KIFAP3: variants seen among roughly 807,000 people sequenced by gnomAD.
KIFAP3 encodes kinesin associated protein 3.
A neutral mutation model predicts 106.5 loss-of-function variants in KIFAP3; 68 were observed. The observed-to-expected ratio is 0.64, with a 90% CI of 0.53 to 0.78. KIFAP3 has a LOEUF of 0.78. Among genes scored for constraint, KIFAP3 ranks in the 30% least tolerant of loss-of-function variants. The pLI, the probability that KIFAP3 is intolerant of heterozygous loss-of-function variation, is 0.00. For missense variants in KIFAP3, 780 were observed against 941.8 expected (o/e 0.83, Z 2.25); for synonymous variants, 320 against 311.5 (o/e 1.03, Z -0.29).
intron 17 of KIFAP3, among the ~76,000 whole-genome samples, chr1:169,970,506 T>C (rs1665865352): frequency 6.6e-6 from 1 of 152,080 alleles, no homozygotes; most frequent in African/African-American, 2.4e-5. Context: ...TTTTTCTTAG[T>C]ATTATTCTGC....
intron 8 of KIFAP3, among the ~76,000 whole-genome samples, chr1:170,029,504 A>G (rs1012271365): frequency 6.6e-6 from 1 of 152,078 alleles, no homozygotes; most frequent in Non-Finnish European, 1.5e-5. Context: ...CCATCAAAGA[A>G]GTGCTTAATG....
At position 169,932,783 on chromosome 1, in the gene KIFAP3, T is replaced by C. The variant is rs575581211; in HGVS notation, c.2274-11002A>G. ...ACAAATCATTCAGTTTGGGAACATT[T>C]TGGAATAGTTTAGAAACTTTTCACT... On this transcript the variant is annotated intron_variant, in intron 19 of 19. Coordinates refer to ENST00000361580, the MANE Select transcript of KIFAP3 (RefSeq NM_014970.4). 1.3e-4 allele frequency among the ~76,000 whole-genome samples: 20 copies of C among 151,992 alleles called. No individual in the cohort carries two copies. In the South Asian group the frequency reaches 4.1e-3, roughly 32 times the overall value.
At chr1:170,071,952 A>G (rs1232183810) in intron 1 of KIFAP3, among the ~76,000 whole-genome samples, 2 of 152,200 alleles carry the variant, frequency 1.3e-5, no homozygotes, top group African/African-American at 4.8e-5. Context: ...TTCATATAGC[A>G]CTCATAAATA....
intron 16 of KIFAP3, 98 bp from the exon 17 acceptor site, chr1:169,972,696 T>C (rs1665982510): frequency 1.8e-6 from 1 of 563,054 alleles, no homozygotes; most frequent in Non-Finnish European, 3.0e-6. Flanking sequence ...AAATTCTAAA[T>C]GGAAATATAA....
At chr1:169,965,537 G>A (rs677630) in intron 17 of KIFAP3, among the ~76,000 whole-genome samples, 142,485 of 152,058 alleles carry the variant, frequency 0.94, 66,835 homozygotes, top group East Asian at 1. Context: ...CTACATTTCC[G>A]CAAAATGTAT....
chr1:170,053,301 C>G (rs1670668260), intron 2 of KIFAP3, among the ~76,000 whole-genome samples: 1 of 152,036 alleles, frequency 6.6e-6, no homozygotes, highest in Non-Finnish European at 1.5e-5. Flanking sequence ...TGTGAAGGAC[C>G]TCTTCGAGGA....
At chr1:169,922,198 A>G (rs1662865286) in intron 19 of KIFAP3, among the ~76,000 whole-genome samples, 1 of 152,226 alleles carries the variant, frequency 6.6e-6, no homozygotes, top group Non-Finnish European at 1.5e-5. Flanking sequence ...GTCTTTTCAT[A>G]TGAAGATACA....
upstream of KIFAP3, chr1:170,074,737 T>G: frequency 7.4e-7 from 1 of 1,342,556 alleles, no homozygotes; most frequent in Non-Finnish European, 9.6e-7. Context: ...CTGCACCTCT[T>G]GTATGCGCAG....
intron 11 of KIFAP3, among the ~76,000 whole-genome samples, chr1:169,990,492 G>A (rs1030771891): frequency 1.3e-5 from 2 of 152,030 alleles, no homozygotes; most frequent in African/African-American, 4.8e-5. Flanking sequence ...CACAGAGTAT[G>A]TTTATTGTAT....
chr1:170,038,889 C>T (rs1243146754), intron 4 of KIFAP3, among the ~76,000 whole-genome samples: 1 of 152,068 alleles, frequency 6.6e-6, no homozygotes, highest in Non-Finnish European at 1.5e-5. Context: ...TTGAGACAAG[C>T]CTGACCAACA....
intron 16 of KIFAP3, among the ~76,000 whole-genome samples, chr1:169,976,817 T>C (rs1469216513): frequency 6.6e-6 from 1 of 152,132 alleles, no homozygotes; most frequent in Non-Finnish European, 1.5e-5. Context: ...CTCAGGTTCA[T>C]GTGATAATCA....
At chr1:170,054,489 A>C (rs1373179353) in intron 2 of KIFAP3, among the ~76,000 whole-genome samples, 1 of 152,218 alleles carries the variant, frequency 6.6e-6, no homozygotes, top group Non-Finnish European at 1.5e-5. Flanking sequence ...AAATCATTCT[A>C]CTATAAAGAC....
intron 16 of KIFAP3, among the ~76,000 whole-genome samples, chr1:169,976,994 G>A (rs1666247494): frequency 6.6e-6 from 1 of 151,968 alleles, no homozygotes; most frequent in Admixed American, 6.6e-5. Flanking sequence ...CAAAGTGCTG[G>A]GATTACAGGC....
rs558776916 is a variant in KIFAP3, at chr1:169,978,283, A to G, written c.1799-100T>C. On this transcript the variant is annotated intron_variant, in intron 15 of 19. Coordinates refer to ENST00000361580, the MANE Select transcript of KIFAP3 (RefSeq NM_014970.4). The stretch of plus-strand genomic sequence containing the variant: ...TATAGAACGAGAAAAACTAAAAGTG[A>G]TAAGGAGACAAGCAAGCAGAAATGG... 1.4e-4 allele frequency: 103 copies of G among 715,992 alleles called. 1 individual carries two copies. In the South Asian group the frequency reaches 1.7e-3, roughly 12 times the overall value. 44.4% of individuals were successfully genotyped at this position (715,992 alleles called of 1,614,324 possible).
intron 1 of KIFAP3, chr1:170,067,672 G>C (rs2102166520): frequency 6.6e-6 from 1 of 152,280 alleles, no homozygotes; most frequent in Middle Eastern, 3.4e-3. Flanking sequence ...AGCTGCAAGG[G>C]GCTTTCCTTT....
At chr1:170,030,413 T>G (rs548358746) in intron 8 of KIFAP3, among the ~76,000 whole-genome samples, 1 of 151,946 alleles carries the variant, frequency 6.6e-6, no homozygotes, top group South Asian at 2.1e-4. Context: ...AGAAAAACAT[T>G]TGGCAGTTTC....
intron 7 of KIFAP3, 123 bp downstream of exon 7, chr1:170,034,249 G>T: frequency 1.2e-6 from 1 of 826,816 alleles, no homozygotes; most frequent in Non-Finnish European, 1.9e-6. Flanking sequence ...ACACACTCCT[G>T]CATTGTTTCC....
chr1:169,984,750 A>C, intron 11 of KIFAP3, 60 bp from the exon 12 acceptor site: 2 of 826,508 alleles, frequency 2.4e-6, no homozygotes, highest in Non-Finnish European at 4.1e-6. Flanking sequence ...CCAAACACAG[A>C]AGCAATATTT....
intron 1 of KIFAP3, among the ~76,000 whole-genome samples, chr1:170,069,200 T>C (rs1671587164): frequency 6.6e-6 from 1 of 152,052 alleles, no homozygotes; most frequent in Non-Finnish European, 1.5e-5. Flanking sequence ...GAATTAGAAG[T>C]AAGGTGATTG....
Sources: gnomAD v4.1 joint callset for allele counts (sites outside exome capture counted in the v4.1 genomes callset) on GRCh38, gnomAD v4.1.1 for gene constraint, MANE v1.5 for transcripts, NCBI Gene and HGNC (gene_info 2026-07-23, HGNC 2026-07-21) for gene names.